RDM1: variants seen among roughly 807,000 people sequenced by gnomAD.
RDM1 encodes the protein RAD52 motif-containing protein 1.
A neutral mutation model predicts 27.7 loss-of-function variants in RDM1; 28 were observed. The ratio of observed to expected loss-of-function variants is 1.01; its 90% CI spans 0.75 to 1.39. The LOEUF is 1.39. RDM1 is among the 40% of genes most tolerant of loss of function. RDM1 has a pLI of 0.00. For missense variants in RDM1, 277 were observed against 337.3 expected (o/e 0.82, Z 1.40); for synonymous variants, 124 against 127.5 (o/e 0.97, Z 0.19).
chr17:35,926,189 A>C (rs934578005), intron 2 of RDM1, among the ~76,000 whole-genome samples: 12 of 151,940 alleles, frequency 7.9e-5, no homozygotes, highest in African/African-American at 2.4e-4. Context: ...AACTGAAAGG[A>C]GAGGTATATC....
intron 5 of RDM1, among the ~76,000 whole-genome samples, chr17:35,920,910 A>C (rs2088923257): frequency 6.6e-6 from 1 of 152,268 alleles, no homozygotes; most frequent in South Asian, 2.1e-4. Context: ...GTAAGGCATC[A>C]GATGGGGGTC....
At chr17:35,929,127 C>A (rs1292098179) in intron 2 of RDM1, among the ~76,000 whole-genome samples, 1 of 152,084 alleles carries the variant, frequency 6.6e-6, no homozygotes, top group African/African-American at 2.4e-5. Context: ...CTGTACCTAG[C>A]TACTTAAGAG....
intron 2 of RDM1, 106 bp downstream of exon 2, chr17:35,929,970 T>C (rs1221121573): frequency 4.9e-6 from 5 of 1,022,976 alleles, no homozygotes; most frequent in African/African-American, 4.8e-5. Flanking sequence ...AGTGTGGCAA[T>C]GCATCTGAAA....
intron 6 of RDM1, 132 bp downstream of exon 6, chr17:35,920,055 C>T: frequency 3.7e-6 from 2 of 535,892 alleles, no homozygotes; most frequent in Non-Finnish European, 6.7e-6. Context: ...CCCAGAAATA[C>T]TCTGCACTCA....
chr17:35,918,422 G>A lies in RDM1; in HGVS notation c.775C>T (p.Gln259Ter). 8 of 1,614,102 alleles carry A rather than the reference G, an allele frequency of 5.0e-6. No homozygotes were observed. Among genetic ancestry groups the A allele is most frequent in the Non-Finnish European group, 6.8e-6 (8 of 1,180,010 alleles). ...LIQVPCSPWK[Q>*]YGQEEEGYLS... ...TACCCTTCCTCCTCTTGGCCATACT[G>A]CTTCCAGGGAGAGCAAGGGACCTGC... The change falls in exon 7 of 7, where the codon CAG becomes TAG. Residue 259 changes from glutamine (Q) to a stop codon, truncating the protein, a stop_gained. Transcript: ENST00000620284. LOFTEE classifies it low-confidence loss of function (END_TRUNC).
At chr17:35,928,549 G>A (rs1421596567) in intron 2 of RDM1, among the ~76,000 whole-genome samples, 1 of 152,000 alleles carries the variant, frequency 6.6e-6, no homozygotes, top group African/African-American at 2.4e-5. Context: ...GATCACCTGA[G>A]TTCAGGAGTT....
rs139004298 is a variant in RDM1 at position 35,928,301 on chromosome 17, C to A, written c.276+1775G>T. Among the ~76,000 whole-genome samples, 1,236 of 152,140 alleles carry A rather than the reference C, an allele frequency of 8.1e-3. 21 individuals are homozygous for A. The highest frequency in any genetic ancestry group is 0.029 in the African/African-American group (1,197 of 41,488). ...ATATGGAATAGGGTTTCTACAATACCGCTTAAAGAATGTTCCCATCCTCTC... is the reference window on the plus strand; with the variant it reads ...ATATGGAATAGGGTTTCTACAATACAGCTTAAAGAATGTTCCCATCCTCTC... On this transcript the variant is annotated intron_variant, in intron 2 of 6. Coordinates refer to ENST00000620284, the MANE Select transcript of RDM1 (RefSeq NM_145654.4).
chr17:35,930,188 G>C lies in RDM1; in HGVS notation c.164C>G (p.Ala55Gly). ...LYSVRVFPNA[A>G]VAHPGFYAVI... is the part of the protein sequence containing the mutation. ...GGCATAGAAACCAGGATGGGCCACT[G>C]CAGCATTTGGGAAGACCCGGACTGA... is the stretch of plus-strand genomic sequence containing the variant. Residue 55 changes from alanine to glycine, a missense_variant, in exon 2 of 7, where the codon GCA becomes GGA. Ala to Gly is a moderately conservative substitution (Grantham distance 60). Coordinates refer to ENST00000620284, the MANE Select transcript of RDM1 (RefSeq NM_145654.4). The C allele has an allele frequency of 6.2e-7, 1 of 1,614,182 alleles. No individual in the cohort carries two copies. Among genetic ancestry groups the C allele is most frequent in the South Asian group, 1.1e-5 (1 of 91,082 alleles).
At position 35,918,363 on chromosome 17, in the gene RDM1, G is replaced by A. The variant is rs145878486; in HGVS notation, c.834C>T (p.Phe278=). The A allele has an allele frequency of 2.6e-5, 42 of 1,613,738 alleles. No individual in the cohort carries two copies. Among genetic ancestry groups the A allele is most frequent in the Non-Finnish European group, 3.3e-5 (39 of 1,179,976 alleles). Reference sequence around the variant, plus strand: ...AATGCTAGTCAAGTTCTGGCAGCCTGAACTCTTCCTCCTCCAAGCTGAAAT... The same window carrying A: ...AATGCTAGTCAAGTTCTGGCAGCCTAAACTCTTCCTCCTCCAAGCTGAAAT... ...LSDFSLEEEE[F]RLPELD The change falls in exon 7 of 7, where the codon TTC becomes TTT. Residue 278 remains phenylalanine (F), a synonymous_variant. Coordinates refer to ENST00000620284, the MANE Select transcript of RDM1 (RefSeq NM_145654.4).
chr17:35,927,120 A>G (rs1222799378), intron 2 of RDM1, among the ~76,000 whole-genome samples: 5 of 148,358 alleles, frequency 3.4e-5, no homozygotes, highest in African/African-American at 1.0e-4. Context: ...TTCACCAAAA[A>G]AAAAAAAAAA....
chr17:35,930,650 G>A lies in RDM1; in HGVS notation c.78C>T (p.Pro26=). The change falls in exon 1 of 7, where the codon CCC becomes CCT. Residue 26 remains proline, a synonymous_variant. Transcript: ENST00000620284. ...TLLVWELSSG[P]TAEALHHSLF... The stretch of plus-strand genomic sequence containing the variant: ...GGCTCACATGCAAAGCCTCGGCCGT[G>A]GGTCCGGAGCTCAGCTCCCACACTA... 6.2e-7 allele frequency: 1 copy of A among 1,613,540 alleles called. No individual in the cohort carries two copies. Among genetic ancestry groups the A allele is most frequent in the Non-Finnish European group, 8.5e-7 (1 of 1,179,920 alleles).
chr17:35,918,529 T>C (rs1365150497), intron 6 of RDM1, 86 bp from the exon 7 acceptor site: 3 of 1,078,056 alleles, frequency 2.8e-6, no homozygotes, highest in African/African-American at 3.1e-5. Context: ...TGCTAAACTT[T>C]CCATATCCTT....
At chr17:35,930,509 TTATAATTAA>T in intron 1 of RDM1, 114 bp downstream of exon 1, 6 of 989,922 alleles carry the variant, frequency 6.1e-6, no homozygotes, top group Non-Finnish European at 8.8e-6. Context: ...GGGATCCCCT[TTATAATTAA>T]GAGTCCTTCA....
chr17:35,923,842 A>G (rs2089040123), intron 4 of RDM1, among the ~76,000 whole-genome samples: 1 of 152,164 alleles, frequency 6.6e-6, no homozygotes, highest in Non-Finnish European at 1.5e-5. Flanking sequence ...CTAGGTATCT[A>G]TATTAGACAC....
At chr17:35,926,013 A>G (rs940998537) in intron 2 of RDM1, among the ~76,000 whole-genome samples, 1 of 152,212 alleles carries the variant, frequency 6.6e-6, no homozygotes, top group Non-Finnish European at 1.5e-5. Flanking sequence ...ACGTGCCTGC[A>G]GTCCCAGCTA....
intron 5 of RDM1, among the ~76,000 whole-genome samples, 164 bp from the exon 6 acceptor site, chr17:35,920,436 T>TTTTC (rs200850006): frequency 2.7e-4 from 40 of 149,134 alleles, no homozygotes; most frequent in Non-Finnish European, 4.0e-4. Flanking sequence ...CACTTCAGTT[T>TTTTC]TTTCTTTCTT....
At chr17:35,922,418 CAG>C in intron 5 of RDM1, 157 bp downstream of exon 5, 1 of 907,014 alleles carries the variant, frequency 1.1e-6, no homozygotes, top group South Asian at 2.3e-5. Context: ...AAATGTCACA[CAG>C]AACAAATTTG....
chr17:35,920,371 C>T, intron 5 of RDM1, 99 bp from the exon 6 acceptor site: 1 of 484,214 alleles, frequency 2.1e-6, no homozygotes, highest in Non-Finnish European at 3.6e-6. Flanking sequence ...GTTTTGGTTT[C>T]TAAAAGCAGA....
chr17:35,918,360 C>A lies in RDM1; in HGVS notation c.837G>T (p.Arg279Ser). ...AGAAATGCTAGTCAAGTTCTGGCAG[C>A]CTGAACTCTTCCTCCTCCAAGCTGA... ...SDFSLEEEEF[R>S]LPELD Residue 279 changes from arginine (R) to serine (S), a missense_variant, in exon 7 of 7, where the codon AGG becomes AGT. By Grantham distance (110) the Arg-to-Ser change is moderately radical. Coordinates refer to ENST00000620284, the MANE Select transcript of RDM1 (RefSeq NM_145654.4). 3 of 1,613,794 alleles carry A rather than the reference C, an allele frequency of 1.9e-6. No individual in the cohort carries two copies. Among genetic ancestry groups the A allele is most frequent in the Non-Finnish European group, 2.5e-6 (3 of 1,179,984 alleles).
Sources: gnomAD v4.1 joint callset for allele counts (sites outside exome capture counted in the v4.1 genomes callset) on GRCh38, gnomAD v4.1.1 for gene constraint, MANE v1.5 for transcripts, NCBI Gene and HGNC (gene_info 2026-07-23, HGNC 2026-07-21) for gene names.